The following ST6GALNAC5 variants were observed in gnomAD, a reference collection of about 807,000 sequenced individuals.
The protein encoded by ST6GALNAC5 is ST6 N-acetylgalactosaminide alpha-2,6-sialyltransferase 5, also known as alpha-N-acetylgalactosaminide alpha-2,6-sialyltransferase 5.
A neutral mutation model predicts 33.6 loss-of-function variants in ST6GALNAC5; 27 were observed. That is an observed-to-expected ratio of 0.80 (90% CI 0.59 to 1.11). ST6GALNAC5 has a LOEUF of 1.11. Ranked by LOEUF, ST6GALNAC5 falls within the 50% of genes least tolerant of loss-of-function variation. The pLI, the probability that ST6GALNAC5 is intolerant of heterozygous loss-of-function variation, is 0.00. For missense variants in ST6GALNAC5, 428 were observed against 454.0 expected (o/e 0.94, Z 0.52); for synonymous variants, 194 against 171.2 (o/e 1.13, Z -1.04).
intron 2 of ST6GALNAC5, among the ~76,000 whole-genome samples, chr1:77,043,087 C>T (rs1045160914): frequency 1.3e-5 from 2 of 152,214 alleles, no homozygotes; most frequent in Non-Finnish European, 2.9e-5. Context: ...GATTCAATTT[C>T]CTGAGACAGT....
intron 2 of ST6GALNAC5, among the ~76,000 whole-genome samples, chr1:76,958,462 A>C (rs1014375425): frequency 6.6e-6 from 1 of 152,102 alleles, no homozygotes; most frequent in Non-Finnish European, 1.5e-5. Flanking sequence ...GGATGTCATC[A>C]CTGTTTCATG....
intron 2 of ST6GALNAC5, among the ~76,000 whole-genome samples, chr1:76,904,106 C>G (rs886364646): frequency 9.2e-5 from 14 of 152,080 alleles, no homozygotes; most frequent in African/African-American, 3.1e-4. Context: ...CAGCATAGGC[C>G]CAGGCCGCAT....
intron 2 of ST6GALNAC5, among the ~76,000 whole-genome samples, chr1:76,966,235 C>T (rs1189486323): frequency 2.0e-5 from 3 of 152,114 alleles, no homozygotes; most frequent in Admixed American, 6.5e-5. Context: ...TATTCATGAG[C>T]ATGGAAGGTT....
intron 2 of ST6GALNAC5, among the ~76,000 whole-genome samples, chr1:76,993,099 C>T (rs1331162219): frequency 6.6e-6 from 1 of 152,178 alleles, no homozygotes; most frequent in Admixed American, 6.5e-5. Flanking sequence ...TTTCTGTGTG[C>T]CATGCCCCTT....
intron 2 of ST6GALNAC5, among the ~76,000 whole-genome samples, chr1:76,945,056 A>T (rs1647468275): frequency 6.6e-6 from 1 of 152,092 alleles, no homozygotes; most frequent in Admixed American, 6.6e-5. Context: ...GGGCAATGCT[A>T]GAGTCAGTGG....
At chr1:76,949,496 C>G (rs564825136) in intron 2 of ST6GALNAC5, among the ~76,000 whole-genome samples, 32 of 152,266 alleles carry the variant, frequency 2.1e-4, no homozygotes, top group African/African-American at 7.7e-4. Context: ...CTAACTCACT[C>G]TGTGACCTTG....
At chr1:76,905,572 C>A (rs752862189) in intron 2 of ST6GALNAC5, among the ~76,000 whole-genome samples, 1 of 152,168 alleles carries the variant, frequency 6.6e-6, no homozygotes. Context: ...TAATTTTTAA[C>A]TATCAGGACA....
intron 2 of ST6GALNAC5, among the ~76,000 whole-genome samples, chr1:76,945,866 G>A (rs1647499418): frequency 1.3e-5 from 2 of 152,060 alleles, no homozygotes; most frequent in South Asian, 4.2e-4. Context: ...TAGAATAATG[G>A]TTGTGAAGTC....
At chr1:76,969,641 A>C (rs1648654851) in intron 2 of ST6GALNAC5, among the ~76,000 whole-genome samples, 1 of 152,206 alleles carries the variant, frequency 6.6e-6, no homozygotes, top group African/African-American at 2.4e-5. Flanking sequence ...GCAGACTTAA[A>C]CGTCCCTGTC....
intron 2 of ST6GALNAC5, among the ~76,000 whole-genome samples, chr1:76,979,126 CA>C (rs377247576): frequency 1.6e-4 from 24 of 150,656 alleles, no homozygotes; most frequent in African/African-American, 3.9e-4. Flanking sequence ...GAATAAGACA[CA>C]AAAAAAATGG....
chr1:76,991,452 G>A (rs1338502884), intron 2 of ST6GALNAC5, among the ~76,000 whole-genome samples: 2 of 152,092 alleles, frequency 1.3e-5, no homozygotes, highest in African/African-American at 4.8e-5. Flanking sequence ...CACACTCTGA[G>A]CATTTTCTGA....
Position 76,868,532 on chromosome 1 carries a change from C to T in ST6GALNAC5, c.51C>T (p.Thr17=). The change falls in exon 2 of 5, where the codon ACC becomes ACT. Residue 17 remains threonine (T), a synonymous_variant. Transcript: ENST00000477717. This position sits in a 1 kb window ranked among gnomAD's most constrained non-coding sequence, Gnocchi z 4.3. ...HGLAVCLALT[T]MCTSLLLVYS... is the part of the protein sequence containing the mutation. ...TGGCAGTGTGTTTAGCGCTCACCACCATGTGCACCAGCTTGTTGCTAGTGT... is the reference window on the plus strand; with the variant it reads ...TGGCAGTGTGTTTAGCGCTCACCACTATGTGCACCAGCTTGTTGCTAGTGT... 1 of 1,613,062 alleles carries T rather than the reference C, an allele frequency of 6.2e-7. No homozygotes were observed. Among genetic ancestry groups the T allele is most frequent in the Non-Finnish European group, 8.5e-7 (1 of 1,179,352 alleles).
intron 2 of ST6GALNAC5, among the ~76,000 whole-genome samples, chr1:76,986,546 A>G (rs368099246): frequency 1.3e-5 from 2 of 152,314 alleles, no homozygotes; most frequent in South Asian, 2.1e-4. Flanking sequence ...AAATAGGAAC[A>G]CTTTTACACT....
At chr1:76,904,478 C>T (rs1214802828) in intron 2 of ST6GALNAC5, among the ~76,000 whole-genome samples, 4 of 152,018 alleles carry the variant, frequency 2.6e-5, no homozygotes, top group Admixed American at 2.6e-4. Flanking sequence ...CAAGAATGAC[C>T]AAACTACAAA....
chr1:76,955,302 T>A (rs993732326), intron 2 of ST6GALNAC5, among the ~76,000 whole-genome samples: 6 of 152,160 alleles, frequency 3.9e-5, no homozygotes, highest in African/African-American at 1.4e-4. Flanking sequence ...GTAATGCTCA[T>A]TTTGCACATC....
intron 2 of ST6GALNAC5, among the ~76,000 whole-genome samples, chr1:76,883,673 G>T (rs995675613): frequency 6.6e-6 from 1 of 152,182 alleles, no homozygotes; most frequent in African/African-American, 2.4e-5. Flanking sequence ...GCAGGCCCAG[G>T]CTATTTATTT....
rs141023364 is a variant in ST6GALNAC5 at position 76,948,966 on chromosome 1, T to G, written c.261+80224T>G. ...TTGGATGTCTCCCAAGTGCCAAGTC[T>G]TGTACTAACTCCATCCTGAGGCTGT... On this transcript the variant is annotated intron_variant, in intron 2 of 4. Transcript: ENST00000477717. Among the ~76,000 whole-genome samples, 373 of 152,262 alleles carry G rather than the reference T, an allele frequency of 2.4e-3. 1 individual carries two copies. Among genetic ancestry groups the G allele is most frequent in the African/African-American group, 8.2e-3 (339 of 41,582 alleles).
At chr1:76,991,839 G>GCACACA (rs4032991) in intron 2 of ST6GALNAC5, among the ~76,000 whole-genome samples, 9 of 149,352 alleles carry the variant, frequency 6.0e-5, no homozygotes, top group South Asian at 2.1e-4. Flanking sequence ...ACGCGTGTGC[G>GCACACA]CACACACACA....
chr1:76,903,598 C>A (rs1282123804), intron 2 of ST6GALNAC5, among the ~76,000 whole-genome samples: 7 of 152,084 alleles, frequency 4.6e-5, no homozygotes, highest in Non-Finnish European at 1.0e-4. Flanking sequence ...TTATTCATAA[C>A]AGCATTATTC....
Sources: allele counts gnomAD v4.1 joint callset (sites outside exome capture counted in the v4.1 genomes callset), GRCh38; gene constraint gnomAD v4.1.1; non-coding constraint Gnocchi (gnomAD v3.1); transcripts MANE v1.5; gene names NCBI Gene and HGNC (gene_info 2026-07-23, HGNC 2026-07-21).